The following XKR9 variants were observed in gnomAD, a reference collection of about 807,000 sequenced individuals.
XKR9 encodes XK related 9, also known as XK-related protein 9.
XKR9 carries 32 observed loss-of-function variants against 32.0 expected under a neutral mutation model. The observed-to-expected ratio is 1.00, with a 90% CI of 0.76 to 1.34. The LOEUF is 1.34. Ranked by LOEUF, XKR9 falls within the 40% of genes most tolerant of loss-of-function variation. XKR9 has a pLI of 0.00. For synonymous variants in XKR9, 168 were observed against 143.4 expected (o/e 1.17, Z -1.22); for missense variants, 546 against 429.7 (o/e 1.27, Z -2.39).
downstream of XKR9, among the ~76,000 whole-genome samples, chr8:70,794,095 T>A (rs188833105): frequency 2.0e-5 from 3 of 152,200 alleles, no homozygotes; most frequent in East Asian, 5.8e-4. Flanking sequence ...CAACTTTGTG[T>A]TTTATTTTTG....
At chr8:70,929,659 C>A in the XKR9 span, among the ~76,000 whole-genome samples, 1 of 152,180 alleles carries the variant, frequency 6.6e-6, no homozygotes, top group Non-Finnish European at 1.5e-5. Flanking sequence ...AGGGTTTGCT[C>A]TCAGCATCTA....
At chr8:70,843,227 C>T in the XKR9 span, among the ~76,000 whole-genome samples, 2 of 152,132 alleles carry the variant, frequency 1.3e-5, no homozygotes, top group Non-Finnish European at 2.9e-5. Flanking sequence ...TTAATGCAGC[C>T]TTCCACTATG....
At chr8:70,852,392 A>G in the XKR9 span, among the ~76,000 whole-genome samples, 1 of 152,320 alleles carries the variant, frequency 6.6e-6, no homozygotes, top group South Asian at 2.1e-4. Flanking sequence ...AAGGATCTAG[A>G]ACTAGAAATA....
At chr8:70,856,329 A>G in the XKR9 span, among the ~76,000 whole-genome samples, 6 of 152,218 alleles carry the variant, frequency 3.9e-5, no homozygotes, top group Non-Finnish European at 5.9e-5. Context: ...TTGCAATCCT[A>G]GTCTCTGATA....
chr8:70,963,015 G>A, the XKR9 span, among the ~76,000 whole-genome samples: 1 of 152,070 alleles, frequency 6.6e-6, no homozygotes, highest in Non-Finnish European at 1.5e-5. Context: ...AGGTGTGCAG[G>A]TTTGTTACAT....
the XKR9 span, among the ~76,000 whole-genome samples, chr8:70,833,428 T>C: frequency 6.6e-6 from 1 of 152,188 alleles, no homozygotes; most frequent in Non-Finnish European, 1.5e-5. Context: ...CAGGATATAT[T>C]ACTTTCCAAA....
the XKR9 span, among the ~76,000 whole-genome samples, chr8:70,808,040 A>G: frequency 1.3e-5 from 2 of 152,066 alleles, no homozygotes; most frequent in Non-Finnish European, 2.9e-5. Context: ...AAATGCAAAA[A>G]AAACCTCTAA....
the XKR9 span, among the ~76,000 whole-genome samples, chr8:71,060,505 T>A: frequency 1.3e-5 from 2 of 152,208 alleles, no homozygotes; most frequent in African/African-American, 4.8e-5. Context: ...AGCTATTGGC[T>A]GGGTACCCCT....
the XKR9 span, among the ~76,000 whole-genome samples, chr8:70,875,501 A>G: frequency 3.3e-5 from 5 of 152,210 alleles, no homozygotes; most frequent in African/African-American, 1.2e-4. Flanking sequence ...TGTGTGAATT[A>G]TGTTAGAAAT....
chr8:70,774,666 C>T (rs1043804157), intron 2 of XKR9, among the ~76,000 whole-genome samples: 2 of 152,014 alleles, frequency 1.3e-5, no homozygotes, highest in African/African-American at 4.8e-5. Context: ...AAAGACTGTC[C>T]TCTCCCCATC....
chr8:71,014,558 A>ACAG, the XKR9 span, among the ~76,000 whole-genome samples: 1 of 152,156 alleles, frequency 6.6e-6, no homozygotes. Flanking sequence ...AACACCTGCC[A>ACAG]TTGGATTTAG....
chr8:70,729,780 T>C (rs886331984), intron 4 of XKR9, among the ~76,000 whole-genome samples: 2 of 152,180 alleles, frequency 1.3e-5, no homozygotes, highest in African/African-American at 4.8e-5. Context: ...TTGGAGCATA[T>C]ACCTATAACA....
chr8:70,777,306 G>A (rs112068676), intron 2 of XKR9, among the ~76,000 whole-genome samples: 59 of 151,938 alleles, frequency 3.9e-4, no homozygotes, highest in African/African-American at 1.3e-3. Context: ...TTATGGCTGC[G>A]TAGTATTCCA....
the XKR9 span, among the ~76,000 whole-genome samples, chr8:70,906,788 A>G: frequency 6.6e-6 from 1 of 152,236 alleles, no homozygotes; most frequent in Non-Finnish European, 1.5e-5. Flanking sequence ...GCATCTATGT[A>G]AATGATGTGT....
the XKR9 span, among the ~76,000 whole-genome samples, chr8:70,832,369 G>A: frequency 1.6e-4 from 24 of 152,224 alleles, no homozygotes; most frequent in East Asian, 1.2e-3. Context: ...TGGAAAGTAC[G>A]TGACAAAAAT....
chr8:70,787,458 G>C (rs1283704890), intron 2 of XKR9, among the ~76,000 whole-genome samples: 1 of 152,234 alleles, frequency 6.6e-6, no homozygotes, highest in Admixed American at 6.6e-5. Flanking sequence ...CAAATGTTGG[G>C]AGAAGAAATT....
At chr8:70,739,014 C>T (rs1243821976), downstream of XKR9, among the ~76,000 whole-genome samples, 1 of 152,120 alleles carries the variant, frequency 6.6e-6, no homozygotes, top group Admixed American at 6.6e-5. Flanking sequence ...AGTTCAATTC[C>T]TGGGTATCCT....
chr8:70,838,609 C>T, the XKR9 span, among the ~76,000 whole-genome samples: 2 of 151,980 alleles, frequency 1.3e-5, no homozygotes, highest in Non-Finnish European at 2.9e-5. Flanking sequence ...CAATTTCATA[C>T]ACTCAATAAA....
the XKR9 span, among the ~76,000 whole-genome samples, chr8:71,060,258 C>T: frequency 6.6e-6 from 1 of 152,170 alleles, no homozygotes; most frequent in Admixed American, 6.5e-5. Context: ...AGGGAATAAT[C>T]TGGGCCCTGT....
Sources: allele counts gnomAD v4.1 joint callset (sites outside exome capture counted in the v4.1 genomes callset), GRCh38; gene constraint gnomAD v4.1.1; transcripts MANE v1.5; gene names NCBI Gene and HGNC (gene_info 2026-07-23, HGNC 2026-07-21).